SLC25A16: variants seen among roughly 807,000 people sequenced by gnomAD.
SLC25A16 encodes the protein solute carrier family 25 member 16, also known as mitochondrial coenzyme A transporter SLC25A16.
Under a neutral mutation model 41.5 loss-of-function variants are expected in SLC25A16, and 39 were observed. The ratio of observed to expected loss-of-function variants is 0.94; its 90% CI spans 0.73 to 1.23. SLC25A16 has a LOEUF of 1.23. Among genes scored for constraint, SLC25A16 ranks in the 50% most tolerant of loss-of-function variants. SLC25A16 has a pLI of 0.00. For synonymous variants in SLC25A16, 146 were observed against 147.8 expected, an observed-to-expected ratio of 0.99 and a Z score of 0.09; for missense variants, 421 against 426.9, an observed-to-expected ratio of 0.99 and a Z score of 0.12.
chr10:68,518,379 T>C (rs2053195374), intron 1 of SLC25A16, among the ~76,000 whole-genome samples: 1 of 151,670 alleles, frequency 6.6e-6, no homozygotes. Context: ...GATCACACCA[T>C]TGCACTCCAG....
At chr10:68,489,087 T>C (rs563351314) in intron 6 of SLC25A16, among the ~76,000 whole-genome samples, 10 of 152,166 alleles carry the variant, frequency 6.6e-5, no homozygotes, top group Non-Finnish European at 1.5e-4. Flanking sequence ...CTGACAAACA[T>C]AGAGAAATCC....
At position 68,514,174 on chromosome 10, in the gene SLC25A16, G is replaced by A. The variant is rs182212670; in HGVS notation, c.223+2577C>T. Among the ~76,000 whole-genome samples the A allele has an allele frequency of 7.9e-5, 12 of 152,126 alleles. No individual in the cohort carries two copies. The East Asian group carries it at 1.5e-3, about 20-fold the overall frequency. On this transcript the variant is annotated intron_variant, in intron 2 of 8. Coordinates refer to ENST00000609923, the MANE Select transcript of SLC25A16 (RefSeq NM_152707.4). ...TGCCACAGTACTCCAGCCTCTGGGC[G>A]ACAGAGCAAGACTTTGTCTCAAAAA...
chr10:68,522,669 G>T (rs2053267844), intron 1 of SLC25A16, among the ~76,000 whole-genome samples: 1 of 152,070 alleles, frequency 6.6e-6, no homozygotes, highest in African/African-American at 2.4e-5. Context: ...CAAAAAATTA[G>T]CCAGGTGTGG....
At chr10:68,485,688 T>G (rs1270420122) in intron 8 of SLC25A16, among the ~76,000 whole-genome samples, 2 of 152,100 alleles carry the variant, frequency 1.3e-5, no homozygotes, top group East Asian at 1.9e-4. Flanking sequence ...AGGCCTTTTT[T>G]GTTTTTTTCA....
At chr10:68,520,805 T>C (rs1397794621) in intron 1 of SLC25A16, among the ~76,000 whole-genome samples, 2 of 110,196 alleles carry the variant, frequency 1.8e-5, no homozygotes, top group African/African-American at 3.6e-5. Context: ...AGAGCAAAAC[T>C]CTGTCTCAAA....
At position 68,515,508 on chromosome 10, in the gene SLC25A16, T is replaced by A. The variant is rs979638065; in HGVS notation, c.223+1243A>T. Among the ~76,000 whole-genome samples the A allele has an allele frequency of 2.0e-5, 3 of 151,310 alleles. No homozygotes were observed. In the East Asian group the frequency reaches 5.9e-4, roughly 30 times the overall value. On this transcript the variant is annotated intron_variant, in intron 2 of 8. Coordinates refer to ENST00000609923, the MANE Select transcript of SLC25A16 (RefSeq NM_152707.4). ...CCCATCTCTTATTGCATTTAAAAAA[T>A]CAGACTGAGGCCAGGCTCGGTGGCT...
At chr10:68,506,304 G>A (rs936372822) in intron 3 of SLC25A16, among the ~76,000 whole-genome samples, 6 of 151,986 alleles carry the variant, frequency 3.9e-5, no homozygotes, top group Non-Finnish European at 7.4e-5. Flanking sequence ...AATTAGCCAG[G>A]CATGGTGGCA....
chr10:68,496,492 C>G, intron 4 of SLC25A16: 1 of 984,916 alleles, frequency 1.0e-6, no homozygotes, highest in Non-Finnish European at 1.2e-6. Context: ...CAATCCAATA[C>G]AAATAGTAGA....
At chr10:68,521,809 G>C (rs2053255412) in intron 1 of SLC25A16, among the ~76,000 whole-genome samples, 1 of 151,054 alleles carries the variant, frequency 6.6e-6, no homozygotes. Context: ...GTTTTAGCCG[G>C]GATGGTCTCG....
At chr10:68,500,513 G>A (rs1420512599) in intron 4 of SLC25A16, among the ~76,000 whole-genome samples, 1 of 151,866 alleles carries the variant, frequency 6.6e-6, no homozygotes, top group Non-Finnish European at 1.5e-5. Context: ...TCACCATGTT[G>A]GCTAGGCTGG....
intron 7 of SLC25A16, 42 bp downstream of exon 7, chr10:68,488,425 G>A (rs767043718): frequency 7.4e-7 from 1 of 1,351,130 alleles, no homozygotes; most frequent in South Asian, 1.7e-5. Context: ...TCAGGACTGG[G>A]TAACTATAAT....
Position 68,511,445 on chromosome 10 carries a change from T to C in SLC25A16, c.224-4727A>G, listed in dbSNP as rs918265424. ...CTGTAACCCACGGCATGCAGCCCTATAGAGTGTGAAATCTAATATGAATGT... is the reference window on the plus strand; with the variant it reads ...CTGTAACCCACGGCATGCAGCCCTACAGAGTGTGAAATCTAATATGAATGT... On this transcript the variant is annotated intron_variant, in intron 2 of 8. Coordinates refer to ENST00000609923, the MANE Select transcript of SLC25A16 (RefSeq NM_152707.4). Among the ~76,000 whole-genome samples, 8 of 152,226 alleles carry C rather than the reference T, an allele frequency of 5.3e-5. No individual in the cohort carries two copies. In the South Asian group the frequency reaches 1.0e-3, roughly 20 times the overall value.
At chr10:68,495,616 TC>T (rs1799085501) in intron 4 of SLC25A16, among the ~76,000 whole-genome samples, 1 of 151,438 alleles carries the variant, frequency 6.6e-6, no homozygotes, top group Non-Finnish European at 1.5e-5. Flanking sequence ...AAACCCTGTC[TC>T]TACTAAAAAC....
At chr10:68,490,405 C>T (rs945782468) in intron 6 of SLC25A16, among the ~76,000 whole-genome samples, 55 of 150,816 alleles carry the variant, frequency 3.6e-4, no homozygotes, top group Non-Finnish European at 8.0e-4. Context: ...TGCAATGGTG[C>T]GATCTTAGCT....
intron 6 of SLC25A16, among the ~76,000 whole-genome samples, chr10:68,489,474 A>G (rs2052620990): frequency 6.6e-6 from 1 of 152,184 alleles, no homozygotes; most frequent in Admixed American, 6.5e-5. Flanking sequence ...AGTGCTTGTT[A>G]AACATTACAT....
chr10:68,513,225 A>G (rs1356999154), intron 2 of SLC25A16, among the ~76,000 whole-genome samples: 1 of 151,498 alleles, frequency 6.6e-6, no homozygotes, highest in African/African-American at 2.4e-5. Context: ...CTGGCCAAAC[A>G]TAGTGAAACC....
At chr10:68,517,053 A>G (rs1590124709) in intron 1 of SLC25A16, 4 of 1,244,320 alleles carry the variant, frequency 3.2e-6, no homozygotes, top group Non-Finnish European at 4.1e-6. Context: ...TACTAAAACA[A>G]ATTTTAGTAG....
rs1018317801 is a variant in SLC25A16 at position 68,526,038 on chromosome 10, C to T, written c.130+1208G>A. ...TCTCCCCATGTGATAGTCTGAAATA[C>T]GGCCTCGTGGGAAGGGAAAGACCTG... On this transcript the variant is annotated intron_variant, in intron 1 of 8. Transcript: ENST00000609923. Among the ~76,000 whole-genome samples the T allele has an allele frequency of 2.6e-3, 391 of 151,988 alleles. 4 individuals carry two copies. The highest frequency in any genetic ancestry group is 8.9e-3 in the African/African-American group (368 of 41,370).
intron 4 of SLC25A16, among the ~76,000 whole-genome samples, chr10:68,494,584 G>GA (rs1248538978): frequency 6.7e-6 from 1 of 149,220 alleles, no homozygotes; most frequent in Non-Finnish European, 1.5e-5. Context: ...AGGTTTAATA[G>GA]AAAATCACTG....
Sources: allele counts gnomAD v4.1 joint callset (sites outside exome capture counted in the v4.1 genomes callset), GRCh38; gene constraint gnomAD v4.1.1; transcripts MANE v1.5; gene names NCBI Gene and HGNC (gene_info 2026-07-23, HGNC 2026-07-21).